The following TRPV5 variants were observed in gnomAD, a reference collection of about 807,000 sequenced individuals.
The protein encoded by TRPV5 is transient receptor potential cation channel subfamily V member 5.
TRPV5 carries 66 observed loss-of-function variants against 74.1 expected under a neutral mutation model. That is an observed-to-expected ratio of 0.89 (90% CI 0.73 to 1.09). The LOEUF (loss-of-function observed/expected upper bound fraction) is 1.09. TRPV5 is among the 50% of genes least tolerant of loss of function. The pLI is 0.00. For missense variants in TRPV5, 936 were observed against 930.4 expected, an observed-to-expected ratio of 1.01 and a Z score of -0.08; for synonymous variants, 399 against 360.7, an observed-to-expected ratio of 1.11 and a Z score of -1.20.
intron 7 of TRPV5, among the ~76,000 whole-genome samples, chr7:142,926,414 G>T (rs920162208): frequency 6.6e-6 from 1 of 152,124 alleles, no homozygotes; most frequent in African/African-American, 2.4e-5. Context: ...AGGCATCTGA[G>T]AAATTAGAAA....
intron 1 of TRPV5, among the ~76,000 whole-genome samples, chr7:142,932,069 G>C (rs920037028): frequency 1.3e-5 from 2 of 152,126 alleles, no homozygotes; most frequent in Admixed American, 6.5e-5. Context: ...TGTTAAGGCA[G>C]TGCTCCTAGG....
intron 8 of TRPV5, among the ~76,000 whole-genome samples, chr7:142,922,808 G>C (rs1050754173): frequency 3.3e-5 from 5 of 152,200 alleles, no homozygotes; most frequent in Non-Finnish European, 7.3e-5. Flanking sequence ...GAAATATATG[G>C]AGATAAGAAG....
At chr7:142,929,286 C>T in intron 4 of TRPV5, 142 bp downstream of exon 4, 1 of 1,491,336 alleles carries the variant, frequency 6.7e-7, no homozygotes, top group Non-Finnish European at 9.0e-7. Flanking sequence ...GAATGGGCCT[C>T]TGGCTTAATT....
chr7:142,922,851 CT>C (rs1345123265), intron 8 of TRPV5, among the ~76,000 whole-genome samples: 1 of 152,116 alleles, frequency 6.6e-6, no homozygotes, highest in Admixed American at 6.5e-5. Context: ...TGGGAAATCT[CT>C]AGTAAAGCAG....
At position 142,908,608 on chromosome 7, in the gene TRPV5, CG is replaced by C; in HGVS notation, c.2095del (p.Arg699GlufsTer14). 1 of 1,614,226 alleles carries C rather than the reference CG, an allele frequency of 6.2e-7. No homozygotes were observed. The highest frequency in any genetic ancestry group is 8.5e-7 in the Non-Finnish European group (1 of 1,180,036). ...SRTASQSSSH[R>X]GWEILRQNTL... Reference sequence around the variant, plus strand: ...GTTTTGACGAAGGATCTCCCAGCCTCGGTGACTGCTGCTCTGGGACGCGGTC... The same window carrying C: ...GTTTTGACGAAGGATCTCCCAGCCTCGTGACTGCTGCTCTGGGACGCGGTC... On this transcript the variant is annotated frameshift_variant, in exon 15 of 15. Coordinates refer to ENST00000265310, the MANE Select transcript of TRPV5 (RefSeq NM_019841.7). LOFTEE classifies it high-confidence loss of function.
rs1331478231 is a variant in TRPV5 at position 142,925,622 on chromosome 7, A to G, written c.1029T>C (p.Phe343=). The G allele has an allele frequency of 6.2e-7, 1 of 1,614,204 alleles. No homozygotes were observed. Among genetic ancestry groups the G allele is most frequent in the Non-Finnish European group, 8.5e-7 (1 of 1,180,036 alleles). Residue 343 remains phenylalanine (F), a synonymous_variant, in exon 8 of 15, where the codon TTT becomes TTC. Transcript: ENST00000265310. ...GGGGGCGGTAGACGCAGCACGTAGT[A>G]AAGCAGATCATGTAGAGCAGGTACA... is the stretch of plus-strand genomic sequence containing the variant. The part of the protein sequence containing the change: ...AALYLLYMIC[F]TTCCVYRPLK...
chr7:142,933,600 A>AT lies in TRPV5; in HGVS notation c.-142dup. The AT allele has an allele frequency of 8.5e-7, 1 of 1,180,114 alleles. No individual in the cohort carries two copies. The highest frequency in any genetic ancestry group is 1.2e-6 in the Non-Finnish European group (1 of 835,586). The allele number at this position is 1,180,114 out of a possible 1,614,324, so 73.1% of individuals were successfully genotyped here. Reference sequence around the variant, plus strand: ...CTCCTGTATGACTTGTGTATGCAGCATGCAGCTTGTAGGTGTGTGTGTGTG... The same window carrying AT: ...CTCCTGTATGACTTGTGTATGCAGCATTGCAGCTTGTAGGTGTGTGTGTGTG... On this transcript the variant is annotated 5_prime_UTR_variant, in exon 1 of 15. It adds an upstream start codon to the 5' untranslated region. Coordinates refer to ENST00000265310, the MANE Select transcript of TRPV5 (RefSeq NM_019841.7).
At chr7:142,913,415 T>C (rs1052244086) in intron 12 of TRPV5, among the ~76,000 whole-genome samples, 15 of 152,214 alleles carry the variant, frequency 9.9e-5, no homozygotes, top group African/African-American at 3.1e-4. Flanking sequence ...TGACAAAGCA[T>C]TGCCTCCTTA....
chr7:142,914,569 A>G, intron 12 of TRPV5, 71 bp downstream of exon 12: 2 of 1,282,296 alleles, frequency 1.6e-6, no homozygotes, highest in Non-Finnish European at 1.1e-6. Context: ...GAGAACTGAG[A>G]GCAAGAATGA....
intron 1 of TRPV5, among the ~76,000 whole-genome samples, chr7:142,931,001 A>T (rs1796081377): frequency 6.8e-6 from 1 of 147,160 alleles, no homozygotes; most frequent in Admixed American, 6.8e-5. Flanking sequence ...TAAAGTTCTG[A>T]CTACTCCCTC....
At chr7:142,923,791 C>G (rs546294967) in intron 8 of TRPV5, among the ~76,000 whole-genome samples, 21 of 152,272 alleles carry the variant, frequency 1.4e-4, no homozygotes, top group African/African-American at 4.1e-4. Context: ...TTGTACATAA[C>G]TAGCCCTGTC....
chr7:142,920,389 G>GAGTATCTGGGGGTATGAACC lies in TRPV5; in HGVS notation c.1123-4822_1123-4821insGGTTCATACCCCCAGATACT, dbSNP rs546570638. Among the ~76,000 whole-genome samples the GAGTATCTGGGGGTATGAACC allele has an allele frequency of 3.4e-3, 520 of 152,240 alleles. 2 individuals carry two copies. Among genetic ancestry groups the GAGTATCTGGGGGTATGAACC allele is most frequent in the African/African-American group, 0.012 (505 of 41,516 alleles). ...AGTGCCAATTATCAAAACTGGAGAGGAGTATCTGGGGGTATGAATCAGTAT... is the reference window on the plus strand; with the variant it reads ...AGTGCCAATTATCAAAACTGGAGAGGAGTATCTGGGGGTATGAACCAGTATCTGGGGGTATGAATCAGTAT... On this transcript the variant is annotated intron_variant, in intron 8 of 14. Coordinates refer to ENST00000265310, the MANE Select transcript of TRPV5 (RefSeq NM_019841.7).
At chr7:142,930,287 T>C in intron 2 of TRPV5, 62 bp downstream of exon 2, 1 of 1,610,872 alleles carries the variant, frequency 6.2e-7, no homozygotes, top group Non-Finnish European at 8.5e-7. Flanking sequence ...AAACTCGAAG[T>C]CTTGGGGAGG....
chr7:142,918,889 A>AC (rs1795840081), intron 8 of TRPV5, among the ~76,000 whole-genome samples: 1 of 152,218 alleles, frequency 6.6e-6, no homozygotes, highest in African/African-American at 2.4e-5. Flanking sequence ...AGAATTTAAA[A>AC]AATAAAACCA....
intron 8 of TRPV5, among the ~76,000 whole-genome samples, chr7:142,924,345 T>TATATATACAC (rs1795942861): frequency 2.8e-4 from 3 of 10,906 alleles, no homozygotes; most frequent in African/African-American, 5.5e-4. Flanking sequence ...TACATATATA[T>TATATATACAC]ATATATAGAC....
chr7:142,914,935 C>T lies in TRPV5; in HGVS notation c.1398G>A (p.Met466Ile), dbSNP rs1425587964. ...GCATCTGGAATCCTCGAGTGAAATA[C>T]ATGACACTGCACCAGCCCAGCACCA... is the stretch of plus-strand genomic sequence containing the variant. ...FALVLGWCSV[M>I]YFTRGFQMLG... Residue 466 changes from methionine to isoleucine, a missense_variant, in exon 11 of 15, where the codon ATG (methionine) becomes ATA (isoleucine). Met to Ile is a conservative substitution (Grantham distance 10, BLOSUM62 1). Transcript: ENST00000265310. The T allele has an allele frequency of 1.2e-6, 2 of 1,614,158 alleles. No individual in the cohort carries two copies. The highest frequency in any genetic ancestry group is 1.7e-6 in the Non-Finnish European group (2 of 1,180,036).
chr7:142,915,495 A>G lies in TRPV5; in HGVS notation c.1196T>C (p.Ile399Thr), dbSNP rs770348379. ...ELVSIVGAVI[I>T]LLLEIPDIFR... ...CCTGCCCCTCACCTCTAGGAGCAGG[A>G]TGATCACAGCCCCAACGATGCTCAC... Residue 399 changes from isoleucine (I) to threonine (T), a missense_variant, in exon 9 of 15, where the codon ATC becomes ACC. Ile to Thr is a moderately conservative substitution (Grantham distance 89, BLOSUM62 -1). Coordinates refer to ENST00000265310, the MANE Select transcript of TRPV5 (RefSeq NM_019841.7). 3 of 1,614,092 alleles carry G rather than the reference A, an allele frequency of 1.9e-6. No homozygotes were observed. The highest frequency in any genetic ancestry group is 4.5e-5 in the East Asian group (2 of 44,874).
Position 142,925,671 on chromosome 7 carries a change from G to C in TRPV5, c.980C>G (p.Pro327Arg). 1 of 1,614,108 alleles carries C rather than the reference G, an allele frequency of 6.2e-7. No homozygotes were observed. The highest frequency in any genetic ancestry group is 1.1e-5 in the South Asian group (1 of 91,076). ...CAAGGCAGCCAGGATGCAGAAGTAC[G>C]GCCGGCCATACTTGTTCCACTTGAA... ...VSFKWNKYGR[P>R]YFCILAALYL... Residue 327 changes from proline to arginine, a missense_variant, in exon 8 of 15, where the codon CCG becomes CGG. Transcript: ENST00000265310.
rs35738386 is a variant in TRPV5 at position 142,931,017 on chromosome 7, ATTTT to A, written c.129-575_129-572del. Reference sequence around the variant, plus strand: ...AAAGTTCTGACTACTCCCTCAGGCTATTTTTTTTTTTTTTTTTTTTTTTGAGACA... The same window carrying A: ...AAAGTTCTGACTACTCCCTCAGGCTATTTTTTTTTTTTTTTTTTTGAGACA... On this transcript the variant is annotated intron_variant, in intron 1 of 14. Transcript: ENST00000265310. Among the ~76,000 whole-genome samples, 174 of 100,314 alleles carry A rather than the reference ATTTT, an allele frequency of 1.7e-3. 1 individual carries two copies. Among genetic ancestry groups the A allele is most frequent in the Middle Eastern group, 7.8e-3 (1 of 128 alleles). The allele number at this position is 100,314 out of a possible 152,430, so 65.8% of individuals were successfully genotyped here. A position where few individuals can be genotyped will look rare whatever the true frequency, so the allele number is the denominator to read the frequency against.
Sources: gnomAD v4.1 joint callset for allele counts (sites outside exome capture counted in the v4.1 genomes callset) on GRCh38, gnomAD v4.1.1 for gene constraint, MANE v1.5 for transcripts, NCBI Gene and HGNC (gene_info 2026-07-23, HGNC 2026-07-21) for gene names.